Variants in RGS17 observed in about 807,000 individuals in gnomAD.
The protein encoded by RGS17 is regulator of G protein signaling 17.
In RGS17, 12 loss-of-function variants were observed where a neutral mutation model predicts 25.5. The ratio of observed to expected loss-of-function variants is 0.47; its 90% CI spans 0.30 to 0.76. The LOEUF (loss-of-function observed/expected upper bound fraction) is 0.76, where lower values mean the gene tolerates loss of function less well. Among genes scored for constraint, RGS17 ranks in the 30% least tolerant of loss-of-function variants. RGS17 has a pLI of 0.07. For synonymous variants in RGS17, 71 were observed against 76.9 expected (o/e 0.92, Z 0.40); for missense variants, 196 against 242.2 (o/e 0.81, Z 1.27).
intron 1 of RGS17, among the ~76,000 whole-genome samples, chr6:153,104,972 C>T (rs2129124069): frequency 6.6e-6 from 1 of 152,284 alleles, no homozygotes; most frequent in East Asian, 1.9e-4. Flanking sequence ...TGTGAATGTC[C>T]TGGCTCATTA....
At chr6:153,047,601 C>G (rs1280737014) in intron 1 of RGS17, among the ~76,000 whole-genome samples, 1 of 152,130 alleles carries the variant, frequency 6.6e-6, no homozygotes, top group African/African-American at 2.4e-5. Context: ...TAGCTGAGCT[C>G]TCATGAATGG....
At position 153,024,481 on chromosome 6, in the gene RGS17, T is replaced by C. The variant is rs150293347; in HGVS notation, c.225A>G (p.Ala75=). 1.2e-3 allele frequency: 1,992 copies of C among 1,614,068 alleles called. No homozygotes were observed. The highest frequency in any genetic ancestry group is 1.6e-3 in the Non-Finnish European group (1,831 of 1,179,916). ...TTTGAGACCAGGACAAGACTTCCTC[T>C]GCAGTGGGGTTTTGGCTGCAGAGAC... ...QVLEECQNPT[A]EEVLSWSQNF... The change falls in exon 4 of 5, where the codon GCA becomes GCG. Residue 75 remains alanine (A), a synonymous_variant. Coordinates refer to ENST00000206262, the MANE Select transcript of RGS17 (RefSeq NM_012419.5).
intron 2 of RGS17, among the ~76,000 whole-genome samples, chr6:153,029,566 T>C (rs1779339390): frequency 6.6e-6 from 1 of 151,566 alleles, no homozygotes; most frequent in Admixed American, 6.6e-5. Flanking sequence ...GAGGGTCCCA[T>C]AGAGACACTT....
At chr6:153,076,812 AC>A (rs904576388) in intron 1 of RGS17, among the ~76,000 whole-genome samples, 2 of 152,234 alleles carry the variant, frequency 1.3e-5, no homozygotes, top group African/African-American at 4.8e-5. Context: ...GCTTCGTCTT[AC>A]AGAAAAGTGC....
At chr6:153,042,161 A>G (rs1201005642) in intron 2 of RGS17, among the ~76,000 whole-genome samples, 1 of 152,204 alleles carries the variant, frequency 6.6e-6, no homozygotes, top group Non-Finnish European at 1.5e-5. Flanking sequence ...TGACACAGAA[A>G]AAGATTACAC....
chr6:153,069,323 A>G (rs929688476), intron 1 of RGS17, among the ~76,000 whole-genome samples: 3 of 152,224 alleles, frequency 2.0e-5, no homozygotes, highest in Non-Finnish European at 4.4e-5. Flanking sequence ...ACTGGAGTTC[A>G]TTATGTTAAG....
chr6:153,097,290 ATTTTTTTTTT>A (rs3083488), intron 1 of RGS17, among the ~76,000 whole-genome samples: 12 of 88,296 alleles, frequency 1.4e-4, no homozygotes, highest in Admixed American at 1.5e-4. Context: ...CGTTTTTTTG[ATTTTTTTTTT>A]TTTTTTTTTT....
intron 1 of RGS17, among the ~76,000 whole-genome samples, chr6:153,092,813 C>A (rs1379868512): frequency 4.6e-5 from 7 of 152,150 alleles, no homozygotes; most frequent in Admixed American, 4.6e-4. Context: ...TCCTTTTAGT[C>A]CAGCTACCCC....
chr6:153,088,366 ATGT>A (rs1403120970), intron 1 of RGS17, among the ~76,000 whole-genome samples: 5 of 152,304 alleles, frequency 3.3e-5, no homozygotes, highest in African/African-American at 1.2e-4. Flanking sequence ...ACTAATACAG[ATGT>A]TGAGTTTGAT....
intron 2 of RGS17, among the ~76,000 whole-genome samples, chr6:153,038,266 G>C (rs541976391): frequency 4.3e-4 from 66 of 152,290 alleles, no homozygotes; most frequent in Middle Eastern, 6.8e-3. Context: ...TCACCAGAGT[G>C]AGGCTCCTTC....
intron 1 of RGS17, among the ~76,000 whole-genome samples, chr6:153,062,213 G>A (rs1776649074): frequency 6.6e-6 from 1 of 151,386 alleles, no homozygotes; most frequent in Non-Finnish European, 1.5e-5. Context: ...TCATGTCACT[G>A]AAAGAGGTAC....
Position 153,061,377 on chromosome 6 carries a change from C to T in RGS17, c.-25-17334G>A, listed in dbSNP as rs80282315. On this transcript the variant is annotated intron_variant, in intron 1 of 4. Transcript: ENST00000206262. ...ATGTGTTTACTTAGGAAAATACTGA[C>T]AGCACTTTCATCTATGTGACATGTT... 2.6e-5 allele frequency among the ~76,000 whole-genome samples: 4 copies of T among 152,272 alleles called. No individual in the cohort carries two copies. In the East Asian group the frequency reaches 7.7e-4, roughly 29 times the overall value.
Position 153,004,996 on chromosome 6 carries a change from T to C in RGS17, c.*6578A>G, listed in dbSNP as rs1355861325. 6.6e-6 allele frequency: 1 copy of C among 152,200 alleles called. No homozygotes were observed. The highest frequency in any genetic ancestry group is 1.5e-5 in the Non-Finnish European group (1 of 68,018). The allele number at this position is 152,200 out of a possible 1,614,324, so 9.4% of individuals were successfully genotyped here. A position where few individuals can be genotyped will look rare whatever the true frequency, so the allele number is the denominator to read the frequency against. Reference sequence around the variant, plus strand: ...ATGTAATTTTACAAAACCAAACACATTGAATTCTTTTTAATATTTAGCAAA... The same window carrying C: ...ATGTAATTTTACAAAACCAAACACACTGAATTCTTTTTAATATTTAGCAAA... On this transcript the variant is annotated 3_prime_UTR_variant, in exon 5 of 5. Coordinates refer to ENST00000206262, the MANE Select transcript of RGS17 (RefSeq NM_012419.5).
intron 1 of RGS17, among the ~76,000 whole-genome samples, chr6:153,113,723 A>C (rs1381069486): frequency 7.9e-5 from 12 of 152,118 alleles, no homozygotes; most frequent in African/African-American, 2.9e-4. Flanking sequence ...AAATCATAAC[A>C]AACAGTCTCT....
At chr6:153,040,719 A>G (rs1278346173) in intron 2 of RGS17, among the ~76,000 whole-genome samples, 1 of 152,040 alleles carries the variant, frequency 6.6e-6, no homozygotes, top group African/African-American at 2.4e-5. Context: ...GAAAGCCTGT[A>G]CAATTTTCTT....
intron 1 of RGS17, among the ~76,000 whole-genome samples, chr6:153,089,824 T>C (rs1354509358): frequency 6.6e-6 from 1 of 152,210 alleles, no homozygotes; most frequent in African/African-American, 2.4e-5. Flanking sequence ...ATTTTAAAAA[T>C]TATTTTGTAA....
At chr6:153,080,022 G>A (rs753650193) in intron 1 of RGS17, among the ~76,000 whole-genome samples, 2 of 151,824 alleles carry the variant, frequency 1.3e-5, no homozygotes, top group African/African-American at 2.4e-5. Flanking sequence ...TTGCTCTGTC[G>A]CCAGGCTGGA....
intron 1 of RGS17, among the ~76,000 whole-genome samples, chr6:153,120,402 C>T (rs190033470): frequency 6.6e-6 from 1 of 152,308 alleles, no homozygotes; most frequent in Admixed American, 6.5e-5. Flanking sequence ...TTTATAGCTC[C>T]TCTTACATCT....
At chr6:153,077,647 G>C (rs1376880820) in intron 1 of RGS17, among the ~76,000 whole-genome samples, 1 of 152,198 alleles carries the variant, frequency 6.6e-6, no homozygotes, top group East Asian at 1.9e-4. Context: ...ATATCTTTCT[G>C]TATGTTTTAA....
Sources: allele counts gnomAD v4.1 joint callset (sites outside exome capture counted in the v4.1 genomes callset), GRCh38; gene constraint gnomAD v4.1.1; transcripts MANE v1.5; gene names NCBI Gene and HGNC (gene_info 2026-07-23, HGNC 2026-07-21).